Variants in NSD1 observed in about 807,000 individuals in gnomAD.
NSD1 encodes the protein histone-lysine N-methyltransferase, H3 lysine-36 specific.
Under a neutral mutation model 242.7 loss-of-function variants are expected in NSD1, and 26 were observed. That is an observed-to-expected ratio of 0.11 (90% CI 0.08 to 0.15). NSD1 has a LOEUF of 0.15. NSD1 is among the 10% of genes least tolerant of loss of function. NSD1 has a pLI of 1.00. For missense variants in NSD1, 2,495 were observed against 3,272.8 expected, an observed-to-expected ratio of 0.76 and a Z score of 5.80; for synonymous variants, 1,106 against 1,178.1, an observed-to-expected ratio of 0.94 and a Z score of 1.25.
rs374110615 is a variant in NSD1, at chr5:177,295,416, A to G, written c.8048A>G (p.Gln2683Arg). The change falls in exon 23 of 23, where the codon CAG becomes CGG. Residue 2683 changes from glutamine to arginine, a missense_variant. Gln to Arg is a conservative substitution (Grantham distance 43). Around this residue, in one of 19 missense-constraint regions of NSD1, gnomAD observed 475 missense variants for 563.7 expected, o/e 0.84. Coordinates refer to ENST00000439151, the MANE Select transcript of NSD1 (RefSeq NM_022455.5). The surrounding 1 kb of genome is among the most constrained non-coding windows in gnomAD (Gnocchi z 4.3). Reference protein sequence around the residue: ...PEQNTLPALNQAPSSHKCAES... With the variant: ...PEQNTLPALNRAPSSHKCAES... Reference sequence around the variant, plus strand: ...CAAAATACACTTCCAGCTCTTAACCAGGCTCCTTCCAGTCACAAGTGTGCA... The same window carrying G: ...CAAAATACACTTCCAGCTCTTAACCGGGCTCCTTCCAGTCACAAGTGTGCA... The G allele has an allele frequency of 1.7e-5, 27 of 1,614,104 alleles. No individual in the cohort carries two copies. In the African/African-American group the frequency reaches 3.6e-4, roughly 22 times the overall value.
In NSD1 at chr5:177,173,466, C is replaced by CTTTT. The variant is rs768982432; in HGVS notation, c.928-18397_928-18394dup. On this transcript the variant is annotated intron_variant, in intron 2 of 22. Transcript: ENST00000439151. ...AGAATCTAAAATATTTACTATCTGG[C>CTTTT]TTTTTTTTTTTTTTTTTTTTTTTTG... Among the ~76,000 whole-genome samples, 241 of 62,210 alleles carry CTTTT rather than the reference C, an allele frequency of 3.9e-3. 8 individuals are homozygous for CTTTT. The highest frequency in any genetic ancestry group is 7.6e-3 in the African/African-American group (100 of 13,210). 40.8% of individuals were successfully genotyped at this position (62,210 alleles called of 152,430 possible). A position where few individuals can be genotyped will look rare whatever the true frequency, so the allele number is the denominator to read the frequency against.
chr5:177,160,153 A>G (rs753968321), intron 2 of NSD1, among the ~76,000 whole-genome samples: 6 of 151,964 alleles, frequency 3.9e-5, no homozygotes, highest in Non-Finnish European at 7.4e-5. Flanking sequence ...CGCCTTCCCA[A>G]GTGCTGGGAT....
chr5:177,242,397 G>A (rs1389167238), intron 8 of NSD1, among the ~76,000 whole-genome samples: 1 of 151,982 alleles, frequency 6.6e-6, no homozygotes, highest in African/African-American at 2.4e-5. Context: ...TGAACGTGAG[G>A]AGAATTGCAG....
At chr5:177,138,717 G>T (rs1415669163) in intron 2 of NSD1, among the ~76,000 whole-genome samples, 7 of 151,222 alleles carry the variant, frequency 4.6e-5, no homozygotes, top group African/African-American at 1.7e-4. Context: ...TCGGCTCACT[G>T]CAATCTCCGC....
intron 5 of NSD1, among the ~76,000 whole-genome samples, chr5:177,234,682 C>T (rs142056611): frequency 5.1e-4 from 78 of 152,204 alleles, no homozygotes; most frequent in Admixed American, 1.0e-3. Flanking sequence ...TGCTGCTGCA[C>T]GCCAGCCTGG....
rs754691272 is a variant in NSD1, at chr5:177,210,802, A to G, written c.2403A>G (p.Ala801=). Reference sequence around the variant, plus strand: ...AACACAAAGAAAATCCAGTTATGGCAGAACCCCCAGTTATAAATGAGGAGT... The same window carrying G: ...AACACAAAGAAAATCCAGTTATGGCGGAACCCCCAGTTATAAATGAGGAGT... ...KCKHKENPVM[A]EPPVINEECS... Residue 801 remains alanine, a synonymous_variant, in exon 5 of 23, where the codon GCA becomes GCG. Transcript: ENST00000439151. The G allele has an allele frequency of 6.8e-6, 11 of 1,614,218 alleles. No homozygotes were observed. Among genetic ancestry groups the G allele is most frequent in the Non-Finnish European group, 8.5e-6 (10 of 1,180,026 alleles).
At chr5:177,289,896 C>T (rs1228376480) in intron 21 of NSD1, among the ~76,000 whole-genome samples, 2 of 150,620 alleles carry the variant, frequency 1.3e-5, no homozygotes, top group African/African-American at 2.5e-5. Flanking sequence ...GGCGCAATCT[C>T]GGCTCACTGC....
intron 2 of NSD1, among the ~76,000 whole-genome samples, chr5:177,153,382 C>G (rs1372693958): frequency 6.6e-6 from 1 of 151,674 alleles, no homozygotes; most frequent in Non-Finnish European, 1.5e-5. Flanking sequence ...TTAGATAGCA[C>G]TGATTTTTTT....
intron 5 of NSD1, among the ~76,000 whole-genome samples, chr5:177,230,149 T>A (rs755349001): frequency 1.3e-5 from 2 of 152,102 alleles, no homozygotes; most frequent in Non-Finnish European, 2.9e-5. Context: ...TTAGACGAAG[T>A]CTCACTCGGT....
At chr5:177,213,021 A>G (rs1173237858) in intron 5 of NSD1, among the ~76,000 whole-genome samples, 3 of 152,214 alleles carry the variant, frequency 2.0e-5, no homozygotes, top group African/African-American at 7.2e-5. Context: ...AAAAACTGCA[A>G]GTATTCTGTA....
intron 3 of NSD1, among the ~76,000 whole-genome samples, chr5:177,198,894 C>T (rs146284410): frequency 3.3e-5 from 5 of 152,334 alleles, no homozygotes; most frequent in East Asian, 1.9e-4. Context: ...TACTCTTTAG[C>T]TTCCTCTGTC....
In NSD1 at chr5:177,211,326, C is replaced by T. The variant is rs766458631; in HGVS notation, c.2927C>T (p.Ala976Val). The change falls in exon 5 of 23, where the codon GCC becomes GTC. Residue 976 changes from alanine to valine, a missense_variant. Physicochemically the swap from Ala to Val is moderately conservative, Grantham distance 64. This residue lies in a region of NSD1 where 426 missense variants were observed against 411.4 expected (regional missense o/e 1.04). Coordinates refer to ENST00000439151, the MANE Select transcript of NSD1 (RefSeq NM_022455.5). ...AAGGGAGATGGCACTCAGAACTCCG[C>T]CAATCCTAGCCCTAGTGGGGGTGAC... is the stretch of plus-strand genomic sequence containing the variant. Reference protein sequence around the residue: ...EKKGDGTQNSANPSPSGGDSA... With the variant: ...EKKGDGTQNSVNPSPSGGDSA... 2.2e-5 allele frequency: 35 copies of T among 1,614,012 alleles called. No homozygotes were observed. In the East Asian group the frequency reaches 7.6e-4, roughly 35 times the overall value.
At position 177,258,831 on chromosome 5, in the gene NSD1, C is replaced by A. The variant is rs534050498; in HGVS notation, c.4967-1158C>A. Among the ~76,000 whole-genome samples the A allele has an allele frequency of 9.9e-5, 15 of 151,066 alleles. 1 individual carries two copies. The South Asian group carries it at 2.5e-3, about 25-fold the overall frequency. The stretch of plus-strand genomic sequence containing the variant: ...GATTATAGGCATGAGCCACTGCACC[C>A]AGCATGTGTTTTTTTGTTTGTTTTG... On this transcript the variant is annotated intron_variant, in intron 13 of 22. Coordinates refer to ENST00000439151, the MANE Select transcript of NSD1 (RefSeq NM_022455.5).
chr5:177,267,470 A>G, intron 14 of NSD1, 92 bp from the exon 15 acceptor site: 2 of 1,074,460 alleles, frequency 1.9e-6, no homozygotes, highest in South Asian at 1.3e-5. Context: ...TTTAGTGAAG[A>G]GAAAGAAAAT....
intron 3 of NSD1, among the ~76,000 whole-genome samples, chr5:177,195,584 G>A (rs144280584): frequency 1.3e-5 from 2 of 152,054 alleles, no homozygotes; most frequent in Admixed American, 1.3e-4. Context: ...CTTCCCTCCT[G>A]TGCCTTCCAA....
chr5:177,237,470 C>G (rs1765537895), intron 6 of NSD1, among the ~76,000 whole-genome samples: 1 of 146,082 alleles, frequency 6.8e-6, no homozygotes, highest in Non-Finnish European at 1.5e-5. Context: ...GTATCTCAGT[C>G]AACTTCATTT....
intron 3 of NSD1, among the ~76,000 whole-genome samples, chr5:177,203,013 GTCTT>G (rs1051754982): frequency 6.6e-6 from 1 of 151,914 alleles, no homozygotes; most frequent in Non-Finnish European, 1.5e-5. Context: ...TCTCTCCTTT[GTCTT>G]TCTTTTTTCA....
intron 2 of NSD1, among the ~76,000 whole-genome samples, chr5:177,146,494 G>A (rs976680500): frequency 1.3e-5 from 2 of 151,692 alleles, no homozygotes; most frequent in African/African-American, 4.8e-5. Context: ...TTGAGCCACC[G>A]CGTCCAGCCA....
chr5:177,221,384 A>G (rs1053415884), intron 5 of NSD1, among the ~76,000 whole-genome samples: 1 of 151,334 alleles, frequency 6.6e-6, no homozygotes, highest in African/African-American at 2.4e-5. Flanking sequence ...TGTTGTTACC[A>G]TGGGGCTTAA....
Sources: gnomAD v4.1 joint callset for allele counts (sites outside exome capture counted in the v4.1 genomes callset) on GRCh38, gnomAD v4.1.1 for gene constraint, gnomAD v4.1.1 regional missense constraint, Gnocchi (gnomAD v3.1) non-coding constraint, MANE v1.5 for transcripts, NCBI Gene and HGNC (gene_info 2026-07-23, HGNC 2026-07-21) for gene names.